Variants in SEC16A observed in about 807,000 individuals in gnomAD.
The protein encoded by SEC16A is protein transport protein Sec16A.
Under a neutral mutation model 221.9 loss-of-function variants are expected in SEC16A, and 110 were observed. That is an observed-to-expected ratio of 0.50 (90% CI 0.42 to 0.58). SEC16A has a LOEUF of 0.58. Among genes scored for constraint, SEC16A ranks in the 20% least tolerant of loss-of-function variants. The pLI, the probability that SEC16A is intolerant of heterozygous loss-of-function variation, is 0.00. For missense variants in SEC16A, 3,165 were observed against 3,097.8 expected (o/e 1.02, Z -0.52); for synonymous variants, 1,393 against 1,257.7 (o/e 1.11, Z -2.28).
At chr9:136,482,275 T>C (rs1233053341) in intron 1 of SEC16A, among the ~76,000 whole-genome samples, 3 of 152,210 alleles carry the variant, frequency 2.0e-5, no homozygotes, top group Non-Finnish European at 4.4e-5. Context: ...GGATGGGAAA[T>C]ACCTCTTTGG....
In SEC16A at chr9:136,459,982, C is replaced by G. The variant is rs982205668; in HGVS notation, c.5073+60G>C. ...CCTCACGGCCTGTGACAGCGTCACCCACGAGCAAACTCCACACAGGCAGTG... is the reference window on the plus strand; with the variant it reads ...CCTCACGGCCTGTGACAGCGTCACCGACGAGCAAACTCCACACAGGCAGTG... On this transcript the variant is annotated intron_variant, in intron 14 of 31. Transcript: ENST00000684901. The surrounding 1 kb of genome is among the most constrained non-coding windows in gnomAD (Gnocchi z 6.1). The G allele has an allele frequency of 4.5e-6, 7 of 1,548,228 alleles. No individual in the cohort carries two copies. In the Admixed American group the frequency reaches 1.3e-4, roughly 29 times the overall value.
intron 18 of SEC16A, 61 bp from the exon 19 acceptor site, chr9:136,456,227 T>C: frequency 2.3e-6 from 3 of 1,282,084 alleles, no homozygotes; most frequent in Non-Finnish European, 3.4e-6. Context: ...GTGAGCCGTC[T>C]TCAAAATGCC....
Position 136,464,483 on chromosome 9 carries a change from G to A in SEC16A, c.4383C>T (p.Ile1461=). ...CARFGPGGQL[I]KVIPNLPSEG... ...CTGAAGGCAGATTGGGAATCACTTT[G>A]ATAAGCTGACCGCCAGGGCCAAACC... The change falls in exon 9 of 32, where the codon ATC becomes ATT. Residue 1461 remains isoleucine (I), a synonymous_variant. Coordinates refer to ENST00000684901, the MANE Select transcript of SEC16A (RefSeq NM_014866.2). The A allele has an allele frequency of 1.2e-6, 2 of 1,612,978 alleles. No homozygotes were observed. The highest frequency in any genetic ancestry group is 1.7e-6 in the Non-Finnish European group (2 of 1,179,062).
In SEC16A at chr9:136,447,676, T is replaced by G; in HGVS notation, c.6452A>C (p.Lys2151Thr). The change falls in exon 26 of 32, where the codon AAA (lysine) becomes ACA (threonine). Residue 2151 changes from lysine to threonine, a missense_variant. Physicochemically the swap from Lys to Thr is moderately conservative, Grantham distance 78. Coordinates refer to ENST00000684901, the MANE Select transcript of SEC16A (RefSeq NM_014866.2). The surrounding 1 kb of genome is among the most constrained non-coding windows in gnomAD (Gnocchi z 5.5). ...VNLNEPEEEKKAPPPPPTSMP... is the reference protein window; with the variant it reads ...VNLNEPEEEKTAPPPPPTSMP... ...CGAGGTTGGAGGTGGGGGCGGGGCT[T>G]TCTTCTGCAGAGGGAAACACAGCTT... 6.2e-7 allele frequency: 1 copy of G among 1,606,652 alleles called. No homozygotes were observed.
At position 136,474,281 on chromosome 9, in the gene SEC16A, A is replaced by G; in HGVS notation, c.3335T>C (p.Leu1112Pro). Reference sequence around the variant, plus strand: ...AGAGGACTGAGGAGGCCGAGGGGGCAGCTGCTGACCCGCGTCGACCAGAAC... The same window carrying G: ...AGAGGACTGAGGAGGCCGAGGGGGCGGCTGCTGACCCGCGTCGACCAGAAC... ...SLVLVDAGQQ[L>P]PPRPPQSSSV... Residue 1112 changes from leucine to proline, a missense_variant, in exon 3 of 32, where the codon CTG becomes CCG. Physicochemically the swap from Leu to Pro is moderately conservative, Grantham distance 98. Coordinates refer to ENST00000684901, the MANE Select transcript of SEC16A (RefSeq NM_014866.2). 2 of 1,608,440 alleles carry G rather than the reference A, an allele frequency of 1.2e-6. No individual in the cohort carries two copies. The highest frequency in any genetic ancestry group is 1.7e-6 in the Non-Finnish European group (2 of 1,177,660).
At chr9:136,468,361 G>A in intron 5 of SEC16A, 54 bp downstream of exon 5, 2 of 1,124,056 alleles carry the variant, frequency 1.8e-6, no homozygotes, top group Non-Finnish European at 2.7e-6. Context: ...TGTCATCAGT[G>A]TCTTTTGCAC....
Position 136,467,018 on chromosome 9 carries a change from T to G in SEC16A, c.3868A>C (p.Arg1290=). 6.2e-7 allele frequency: 1 copy of G among 1,613,686 alleles called. No individual in the cohort carries two copies. Among genetic ancestry groups the G allele is most frequent in the South Asian group, 1.1e-5 (1 of 91,064 alleles). The change falls in exon 6 of 32, where the codon AGG becomes CGG. Residue 1290 remains arginine (R), a synonymous_variant. Transcript: ENST00000684901. ...RVRDPRTYDR[R]YWCDAEYDAY... is the part of the protein sequence containing the mutation. ...TCATACTCTGCATCACACCAATACC[T>G]CCGGTCATAGGTGCGGGGGTCCCTG... is the stretch of plus-strand genomic sequence containing the variant.
At position 136,466,137 on chromosome 9, in the gene SEC16A, C is replaced by G. The variant is rs1564506421; in HGVS notation, c.4129-1G>C. On this transcript the variant is annotated splice_acceptor_variant, in intron 7 of 31. Transcript: ENST00000684901. LOFTEE classifies it high-confidence loss of function. This position sits in a 1 kb window ranked among gnomAD's most constrained non-coding sequence, Gnocchi z 5.5. ...CATTGTGGCTTCTGTAAATCTGACT[C>G]TTAGAAAACAAAGCAAACGGGCAAA... is the stretch of plus-strand genomic sequence containing the variant. 6.3e-7 allele frequency: 1 copy of G among 1,587,008 alleles called. No individual in the cohort carries two copies.
chr9:136,443,679 C>A (rs1564448648), intron 31 of SEC16A, 144 bp downstream of exon 31: 4 of 597,198 alleles, frequency 6.7e-6, no homozygotes, highest in Non-Finnish European at 2.9e-6. Flanking sequence ...CAGAGCAAGA[C>A]CCTGTCTCAA....
chr9:136,455,846 C>T lies in SEC16A; in HGVS notation c.5665-53G>A, dbSNP rs1412443011. 9.4e-6 allele frequency: 14 copies of T among 1,493,214 alleles called. No homozygotes were observed. The African/African-American group carries it at 9.7e-5, about 10-fold the overall frequency. 92.5% of individuals were successfully genotyped at this position (1,493,214 alleles called of 1,614,324 possible). ...GAAGCCGCCTGTGGCCGCTCTGCAG[C>T]GCTGCCCGCCTGCCACCACCGCGCT... On this transcript the variant is annotated intron_variant, in intron 19 of 31. Coordinates refer to ENST00000684901, the MANE Select transcript of SEC16A (RefSeq NM_014866.2).
intron 3 of SEC16A, 57 bp downstream of exon 3, chr9:136,473,992 C>T (rs1403864278): frequency 6.6e-7 from 1 of 1,525,588 alleles, no homozygotes. Flanking sequence ...GTGAGTGAGA[C>T]TCAACTGGTC....
intron 13 of SEC16A, 115 bp downstream of exon 13, chr9:136,461,062 G>C (rs1041788982): frequency 9.9e-5 from 77 of 776,914 alleles, no homozygotes; most frequent in Admixed American, 6.7e-4. Flanking sequence ...GTTCGTGTGG[G>C]AGCACAGCAC....
upstream of SEC16A, chr9:136,483,504 C>A: frequency 5.1e-6 from 5 of 979,002 alleles, no homozygotes; most frequent in Non-Finnish European, 6.1e-6. Flanking sequence ...CCGTCTGCCG[C>A]CTCACCGCTT....
In SEC16A at chr9:136,472,146, C is replaced by T; in HGVS notation, c.3568-35G>A. 2 of 1,609,812 alleles carry T rather than the reference C, an allele frequency of 1.2e-6. 1 individual carries two copies. ...GAAGCATTTGGGCAGGATTAGACAC[C>T]AATCAAGAGCAAGCTCGTCCAACAG... is the stretch of plus-strand genomic sequence containing the variant. On this transcript the variant is annotated intron_variant, in intron 3 of 31. Transcript: ENST00000684901.
At chr9:136,448,416 G>C in intron 23 of SEC16A, 1 of 702,338 alleles carries the variant, frequency 1.4e-6, no homozygotes, top group Non-Finnish European at 2.6e-6. Context: ...GGATGGAGGT[G>C]GGGGGCGATC....
chr9:136,473,900 G>A (rs1030103877), intron 3 of SEC16A, 149 bp downstream of exon 3: 11 of 838,956 alleles, frequency 1.3e-5, no homozygotes, highest in African/African-American at 1.2e-4. Context: ...CTCAGGAAGC[G>A]TTACTGGAAT....
chr9:136,462,399 A>C, intron 12 of SEC16A, among the ~76,000 whole-genome samples: 1 of 151,964 alleles, frequency 6.6e-6, no homozygotes, highest in East Asian at 1.9e-4. Flanking sequence ...CCCAGTCCCC[A>C]CGCTGCTGTG....
At chr9:136,443,018 G>A (rs1256072029) in intron 31 of SEC16A, among the ~76,000 whole-genome samples, 1 of 152,242 alleles carries the variant, frequency 6.6e-6, no homozygotes, top group African/African-American at 2.4e-5. Flanking sequence ...CCAAAGCTGG[G>A]GGACCCACTC....
chr9:136,444,320 G>T (rs1836642339), intron 30 of SEC16A, among the ~76,000 whole-genome samples: 1 of 151,850 alleles, frequency 6.6e-6, no homozygotes, highest in South Asian at 2.2e-4. Flanking sequence ...GGCAGAAGAT[G>T]AAGCGTTCGT....
Sources: gnomAD v4.1 joint callset for allele counts (sites outside exome capture counted in the v4.1 genomes callset) on GRCh38, gnomAD v4.1.1 for gene constraint, Gnocchi (gnomAD v3.1) non-coding constraint, MANE v1.5 for transcripts, NCBI Gene and HGNC (gene_info 2026-07-23, HGNC 2026-07-21) for gene names.